Variants in MAML3 observed in about 807,000 individuals in gnomAD.
MAML3 encodes mastermind-like protein 3.
A neutral mutation model predicts 101.9 loss-of-function variants in MAML3; 27 were observed. The ratio of observed to expected loss-of-function variants is 0.27; its 90% CI spans 0.20 to 0.37. The LOEUF is 0.37. Ranked by LOEUF, MAML3 falls within the 10% of genes least tolerant of loss-of-function variation. MAML3 has a pLI of 1.00. For synonymous variants in MAML3, 501 were observed against 555.9 expected, an observed-to-expected ratio of 0.90 and a Z score of 1.39; for missense variants, 1,316 against 1,444.9, an observed-to-expected ratio of 0.91 and a Z score of 1.45.
chr4:139,754,124 C>T (rs1330640068), intron 2 of MAML3, among the ~76,000 whole-genome samples: 1 of 152,184 alleles, frequency 6.6e-6, no homozygotes, highest in African/African-American at 2.4e-5. Flanking sequence ...GGCATATGCC[C>T]TATGACTGAA....
chr4:139,985,625 T>G (rs995874498), intron 1 of MAML3, among the ~76,000 whole-genome samples: 1 of 152,200 alleles, frequency 6.6e-6, no homozygotes, highest in African/African-American at 2.4e-5. Context: ...AAATAAGGAA[T>G]GCATAGATTC....
intron 1 of MAML3, among the ~76,000 whole-genome samples, chr4:140,040,838 T>C (rs1259999841): frequency 6.6e-6 from 1 of 152,142 alleles, no homozygotes; most frequent in Non-Finnish European, 1.5e-5. Flanking sequence ...TACATAAACA[T>C]AAAACATTAC....
At chr4:139,845,639 A>C (rs1731430567) in intron 2 of MAML3, among the ~76,000 whole-genome samples, 1 of 152,138 alleles carries the variant, frequency 6.6e-6, no homozygotes, top group Non-Finnish European at 1.5e-5. Flanking sequence ...TCATCTCAGT[A>C]TTTTTGGATG....
intron 1 of MAML3, among the ~76,000 whole-genome samples, chr4:140,060,384 A>AAAAAAAAAAAAAAAC (rs1727426311): frequency 1.3e-5 from 2 of 148,834 alleles, no homozygotes; most frequent in Non-Finnish European, 3.0e-5. Context: ...AAAAAAAAAA[A>AAAAAAAAAAAAAAAC]AGTCACAAGC....
rs939753355 is a variant in MAML3 at position 140,154,127 on chromosome 4, G to GCCT, written c.-803_-801dup. On this transcript the variant is annotated 5_prime_UTR_variant, in exon 1 of 5. Coordinates refer to ENST00000509479, the MANE Select transcript of MAML3 (RefSeq NM_018717.5). ...ACTGCTCGCCGCCGCCGCCGCCGCC[G>GCCT]CCTCCTCCTCCTCCTCTCGCTCCTC... 938 of 179,602 alleles carry GCCT rather than the reference G, an allele frequency of 5.2e-3. 7 individuals carry two copies. Among genetic ancestry groups the GCCT allele is most frequent in the African/African-American group, 0.021 (886 of 41,834 alleles). The allele number at this position is 179,602 out of a possible 1,614,324, so 11.1% of individuals were successfully genotyped here. A position where few individuals can be genotyped will look rare whatever the true frequency, so the allele number is the denominator to read the frequency against.
chr4:140,129,243 G>A (rs1019637692), intron 1 of MAML3, among the ~76,000 whole-genome samples: 6 of 152,100 alleles, frequency 3.9e-5, no homozygotes, highest in African/African-American at 1.4e-4. Context: ...TTTTCCATCA[G>A]TGGGACCATG....
intron 2 of MAML3, among the ~76,000 whole-genome samples, chr4:139,752,409 C>T (rs1205510572): frequency 6.6e-6 from 1 of 152,190 alleles, no homozygotes; most frequent in Non-Finnish European, 1.5e-5. Context: ...CCCAACTCCT[C>T]TTCCAGTGTG....
chr4:140,051,959 T>G (rs904487886), intron 1 of MAML3, among the ~76,000 whole-genome samples: 1 of 152,166 alleles, frequency 6.6e-6, no homozygotes, highest in Non-Finnish European at 1.5e-5. Context: ...ATCTCAGACC[T>G]CTTACTGATA....
At chr4:140,109,902 G>T (rs74840777) in intron 1 of MAML3, among the ~76,000 whole-genome samples, 1 of 152,200 alleles carries the variant, frequency 6.6e-6, no homozygotes, top group African/African-American at 2.4e-5. Context: ...GAGTCTAATG[G>T]AAGAGAGTAA....
chr4:139,968,546 T>C (rs1293650856), intron 1 of MAML3, among the ~76,000 whole-genome samples: 4 of 152,082 alleles, frequency 2.6e-5, no homozygotes, highest in African/African-American at 7.2e-5. Context: ...GATGACTACA[T>C]AGTGCTTGTT....
At chr4:140,070,152 A>G (rs1359963564) in intron 1 of MAML3, among the ~76,000 whole-genome samples, 2 of 152,072 alleles carry the variant, frequency 1.3e-5, no homozygotes, top group Non-Finnish European at 2.9e-5. Context: ...ATAAAAATCT[A>G]AAAAAGAGCC....
intron 2 of MAML3, among the ~76,000 whole-genome samples, chr4:139,811,482 G>T (rs1283584889): frequency 6.6e-6 from 1 of 152,164 alleles, no homozygotes; most frequent in Non-Finnish European, 1.5e-5. Flanking sequence ...ACTTACTGGT[G>T]AACCAGGGAA....
At chr4:139,726,308 A>C (rs778929780) in intron 3 of MAML3, among the ~76,000 whole-genome samples, 14 of 152,190 alleles carry the variant, frequency 9.2e-5, no homozygotes, top group Non-Finnish European at 1.8e-4. Flanking sequence ...CCATCATATG[A>C]ATATACCATA....
intron 2 of MAML3, among the ~76,000 whole-genome samples, chr4:139,805,097 T>A (rs1730679898): frequency 6.6e-6 from 1 of 152,160 alleles, no homozygotes; most frequent in Admixed American, 6.5e-5. Flanking sequence ...GAGAATTGCT[T>A]GATTTGTAAC....
intron 1 of MAML3, among the ~76,000 whole-genome samples, chr4:140,031,095 T>C (rs1216450959): frequency 6.6e-6 from 1 of 152,158 alleles, no homozygotes; most frequent in Non-Finnish European, 1.5e-5. Context: ...TCCTCCGATA[T>C]TGCCACGAGT....
At chr4:140,037,921 T>C (rs6828440) in intron 1 of MAML3, among the ~76,000 whole-genome samples, 4,639 of 152,296 alleles carry the variant, frequency 0.03, 204 homozygotes, top group African/African-American at 0.1. Context: ...TGGCTGTCCA[T>C]TCCACCCATC....
chr4:139,825,736 T>C (rs894729141), intron 2 of MAML3, among the ~76,000 whole-genome samples: 2 of 149,052 alleles, frequency 1.3e-5, no homozygotes, highest in South Asian at 4.3e-4. Flanking sequence ...GACCTAAATA[T>C]AGACAATGAC....
chr4:140,141,905 T>C (rs1327959073), intron 1 of MAML3, among the ~76,000 whole-genome samples: 1 of 152,240 alleles, frequency 6.6e-6, no homozygotes, highest in African/African-American at 2.4e-5. Flanking sequence ...TTTTTCTCTT[T>C]ATACATATTA....
chr4:139,948,584 C>T (rs527651041), intron 1 of MAML3, among the ~76,000 whole-genome samples: 4 of 152,272 alleles, frequency 2.6e-5, no homozygotes, highest in East Asian at 1.9e-4. Context: ...GATTATGAAC[C>T]GAATTCCCTA....
Sources: gnomAD v4.1 joint callset for allele counts (sites outside exome capture counted in the v4.1 genomes callset) on GRCh38, gnomAD v4.1.1 for gene constraint, MANE v1.5 for transcripts, NCBI Gene and HGNC (gene_info 2026-07-23, HGNC 2026-07-21) for gene names.